Variants in SHC2 observed in about 807,000 individuals in gnomAD.
SHC2 encodes the protein SHC-transforming protein 2.
In SHC2, 62 loss-of-function variants were observed where a neutral mutation model predicts 60.6. That is an observed-to-expected ratio of 1.02 (90% CI 0.83 to 1.26). The LOEUF (loss-of-function observed/expected upper bound fraction) is 1.26, where lower values mean the gene tolerates loss of function less well. Ranked by LOEUF, SHC2 falls within the 50% of genes most tolerant of loss-of-function variation. The probability of loss-of-function intolerance (pLI) is 0.00; values close to 1 mark genes in which losing one functional copy is unlikely to be tolerated. For missense variants in SHC2, 873 were observed against 822.2 expected (o/e 1.06, Z -0.76); for synonymous variants, 375 against 372.4 (o/e 1.01, Z -0.08).
chr19:429,397 T>C (rs1291445929), intron 9 of SHC2, among the ~76,000 whole-genome samples: 84 of 106,500 alleles, frequency 7.9e-4, no homozygotes, highest in Middle Eastern at 8.5e-3. Flanking sequence ...AGTACCTATA[T>C]CCAACATGCA....
At chr19:430,877 TC>T in intron 8 of SHC2, 130 bp from the exon 9 acceptor site, 1 of 780,122 alleles carries the variant, frequency 1.3e-6, no homozygotes, top group Non-Finnish European at 2.1e-6. Flanking sequence ...GCCCTGGCCC[TC>T]CCATTGCTCT....
chr19:428,166 C>T (rs1364232357), intron 9 of SHC2, among the ~76,000 whole-genome samples: 3 of 152,108 alleles, frequency 2.0e-5, no homozygotes, highest in Non-Finnish European at 2.9e-5. Context: ...TGGAGGCTTC[C>T]GTGAGCCATG....
chr19:429,697 A>G (rs12974822), intron 9 of SHC2, among the ~76,000 whole-genome samples: 90 of 117,030 alleles, frequency 7.7e-4, no homozygotes, highest in Middle Eastern at 6.0e-3. Flanking sequence ...TATACCCAAC[A>G]TGCACGGAAA....
rs531494977 is a variant in SHC2 at position 430,946 on chromosome 19, G to A, written c.1111-199C>T. Among the ~76,000 whole-genome samples the A allele has an allele frequency of 5.3e-5, 8 of 152,282 alleles. No individual in the cohort carries two copies. The East Asian group carries it at 5.8e-4, about 11-fold the overall frequency. ...GCCCACCTCTGCCGTGGCCTTCCCC[G>A]CCTTCTCTCCACCTCGGAAGGTGGT... On this transcript the variant is annotated intron_variant, in intron 8 of 12. Coordinates refer to ENST00000264554, the MANE Select transcript of SHC2 (RefSeq NM_012435.3).
intron 9 of SHC2, among the ~76,000 whole-genome samples, chr19:426,170 G>A (rs1364003412): frequency 6.6e-6 from 1 of 152,238 alleles, no homozygotes; most frequent in Admixed American, 6.5e-5. Context: ...CCTTGGAACA[G>A]GGTCTGGCTG....
rs925543937 is a variant in SHC2 at position 446,089 on chromosome 19, G to C, written c.469-5157C>G. On this transcript the variant is annotated intron_variant, in intron 1 of 12. Transcript: ENST00000264554. This position sits in a 1 kb window ranked among gnomAD's most constrained non-coding sequence, Gnocchi z 5.4. ...AAAAAAAAAGACAAGCACAGAGGGA[G>C]ATTTGAGAGACAGAGACACAGAAGG... 6.6e-6 allele frequency among the ~76,000 whole-genome samples: 1 copy of C among 151,604 alleles called. No individual in the cohort carries two copies. The highest frequency in any genetic ancestry group is 1.5e-5 in the Non-Finnish European group (1 of 67,914).
chr19:436,438 G>A lies in SHC2; in HGVS notation c.775-7C>T, dbSNP rs750346102. 2 of 1,602,042 alleles carry A rather than the reference G, an allele frequency of 1.2e-6. No individual in the cohort carries two copies. Among genetic ancestry groups the A allele is most frequent in the Admixed American group, 1.7e-5 (1 of 57,736 alleles). On this transcript the variant is annotated splice_polypyrimidine_tract_variant and splice_region_variant and intron_variant, in intron 5 of 12. Coordinates refer to ENST00000264554, the MANE Select transcript of SHC2 (RefSeq NM_012435.3). ...CCACGTAATCCGTCATGTCCTGGGG[G>A]CGGGGAGGGGCCAGCTGGACCTGCC...
intron 1 of SHC2, among the ~76,000 whole-genome samples, chr19:450,832 G>T (rs573496966): frequency 1.3e-5 from 2 of 151,020 alleles, no homozygotes; most frequent in African/African-American, 4.9e-5. Context: ...TCAGTGTGTG[G>T]ATGGCCACGC....
rs1249389468 is a variant in SHC2 at position 438,335 on chromosome 19, T to C, written c.720+383A>G. ...CAAGCCCGAGCCTGGTCTGCAATTA[T>C]ACTTTTGTTGTTTGTTTCCACTTGA... On this transcript the variant is annotated intron_variant, in intron 4 of 12. Transcript: ENST00000264554. The surrounding 1 kb of genome is among the most constrained non-coding windows in gnomAD (Gnocchi z 5.0). Among the ~76,000 whole-genome samples, 2 of 152,254 alleles carry C rather than the reference T, an allele frequency of 1.3e-5. No homozygotes were observed. The highest frequency in any genetic ancestry group is 4.8e-5 in the African/African-American group (2 of 41,472).
chr19:431,425 A>G (rs1308634019), intron 8 of SHC2, among the ~76,000 whole-genome samples: 4 of 98,804 alleles, frequency 4.0e-5, no homozygotes, highest in Admixed American at 2.0e-4. Flanking sequence ...TGAGAGTTAG[A>G]GGAGGCCGGG....
intron 11 of SHC2, among the ~76,000 whole-genome samples, chr19:420,649 C>A (rs1238931350): frequency 2.0e-5 from 3 of 152,168 alleles, no homozygotes; most frequent in African/African-American, 7.2e-5. Context: ...AAGAGAAAAA[C>A]CTCCCTGTAA....
At chr19:429,097 C>G (rs1345283244) in intron 9 of SHC2, among the ~76,000 whole-genome samples, 1 of 150,452 alleles carries the variant, frequency 6.6e-6, no homozygotes, top group Non-Finnish European at 1.5e-5. Flanking sequence ...TGATGCGGTA[C>G]CTATACCCAA....
At chr19:430,621 A>C (rs1640485255) in intron 9 of SHC2, 63 bp downstream of exon 9, 1 of 1,366,718 alleles carries the variant, frequency 7.3e-7, no homozygotes, top group Non-Finnish European at 1.0e-6. Context: ...GAGCCAGCAC[A>C]GGACAGGGCT....
intron 1 of SHC2, among the ~76,000 whole-genome samples, chr19:454,683 A>G (rs1308549686): frequency 6.6e-6 from 1 of 152,076 alleles, no homozygotes; most frequent in Non-Finnish European, 1.5e-5. Context: ...CCAGCTACTC[A>G]GGAGGCTGAG....
chr19:447,011 T>C (rs557366440), intron 1 of SHC2, among the ~76,000 whole-genome samples: 1 of 152,330 alleles, frequency 6.6e-6, no homozygotes, highest in African/African-American at 2.4e-5. Flanking sequence ...ATTTTCCTTC[T>C]AAATAAACTC....
In SHC2 at chr19:446,448, T is replaced by C. The variant is rs1034832688; in HGVS notation, c.469-5516A>G. Among the ~76,000 whole-genome samples, 7 of 152,064 alleles carry C rather than the reference T, an allele frequency of 4.6e-5. No homozygotes were observed. The highest frequency in any genetic ancestry group is 1.7e-4 in the African/African-American group (7 of 41,414). On this transcript the variant is annotated intron_variant, in intron 1 of 12. Coordinates refer to ENST00000264554, the MANE Select transcript of SHC2 (RefSeq NM_012435.3). This position sits in a 1 kb window ranked among gnomAD's most constrained non-coding sequence, Gnocchi z 5.4. ...GTCTCAGCCTCCTGAGTAGCTGGGA[T>C]TACAGGCGCCCACTACCACGCCCGG...
intron 1 of SHC2, among the ~76,000 whole-genome samples, chr19:455,875 CA>C (rs1351168962): frequency 1.3e-5 from 2 of 152,128 alleles, no homozygotes; most frequent in Non-Finnish European, 2.9e-5. Context: ...GCCCCCAAAT[CA>C]TCCCATCTCA....
intron 12 of SHC2, among the ~76,000 whole-genome samples, chr19:418,133 C>T (rs974074987): frequency 5.3e-5 from 8 of 152,294 alleles, no homozygotes; most frequent in Admixed American, 3.3e-4. Context: ...CCCCGGGCCC[C>T]GCACCAAAAG....
chr19:434,843 C>G lies in SHC2; in HGVS notation c.976G>C (p.Ala326Pro), dbSNP rs1169616052. The change falls in exon 8 of 13, where the codon GCC becomes CCC. Residue 326 changes from alanine (A) to proline (P), a missense_variant. Coordinates refer to ENST00000264554, the MANE Select transcript of SHC2 (RefSeq NM_012435.3). The part of the protein sequence containing the change: ...PERLAGPEES[A>P]WGDEEDSLEH... ...AAAGAGTCCTCCTCGTCCCCCCAGG[C>G]CGACTCCTCCGGCCCTGCCAGCCTG... 6.2e-7 allele frequency: 1 copy of G among 1,611,514 alleles called. No homozygotes were observed. The highest frequency in any genetic ancestry group is 8.5e-7 in the Non-Finnish European group (1 of 1,179,680).
Sources: gnomAD v4.1 joint callset for allele counts (sites outside exome capture counted in the v4.1 genomes callset) on GRCh38, gnomAD v4.1.1 for gene constraint, Gnocchi (gnomAD v3.1) non-coding constraint, MANE v1.5 for transcripts, NCBI Gene and HGNC (gene_info 2026-07-23, HGNC 2026-07-21) for gene names.